CYP2J2: variants seen among roughly 807,000 people sequenced by gnomAD.
The protein encoded by CYP2J2 is cytochrome P450 2J2.
CYP2J2 carries 41 observed loss-of-function variants against 48.8 expected under a neutral mutation model. The observed-to-expected ratio is 0.84, with a 90% confidence interval of 0.66 to 1.09. The LOEUF (loss-of-function observed/expected upper bound fraction) is 1.09, where lower values mean the gene tolerates loss of function less well. Ranked by LOEUF, CYP2J2 falls within the 50% of genes least tolerant of loss-of-function variation. The pLI, the probability that CYP2J2 is intolerant of heterozygous loss-of-function variation, is 0.00. For synonymous variants in CYP2J2, 221 were observed against 227.1 expected (o/e 0.97, Z 0.24); for missense variants, 644 against 617.3 (o/e 1.04, Z -0.46).
intron 1 of CYP2J2, among the ~76,000 whole-genome samples, chr1:59,916,361 T>C (rs1644465920): frequency 6.6e-6 from 1 of 152,216 alleles, no homozygotes; most frequent in African/African-American, 2.4e-5. Context: ...TATCTATTTA[T>C]GTATTCAACC....
At chr1:59,929,692 A>G (rs1557433677), upstream of CYP2J2, among the ~76,000 whole-genome samples, 4 of 152,332 alleles carry the variant, frequency 2.6e-5, no homozygotes, top group South Asian at 8.3e-4. Flanking sequence ...GTGAACTGTA[A>G]GATAGCTTGA....
the CYP2J2 span, among the ~76,000 whole-genome samples, chr1:59,957,405 A>G: frequency 6.6e-6 from 1 of 152,172 alleles, no homozygotes; most frequent in Non-Finnish European, 1.5e-5. Context: ...CCTTTGAGCC[A>G]GGCAGTTACC....
the CYP2J2 span, among the ~76,000 whole-genome samples, chr1:59,954,588 C>CGGT: frequency 2.1e-5 from 3 of 144,922 alleles, no homozygotes; most frequent in African/African-American, 5.4e-5. Context: ...CTTGGTGGGT[C>CGGT]GGGGGGGGAT....
chr1:59,963,586 A>G, the CYP2J2 span, among the ~76,000 whole-genome samples: 1 of 152,180 alleles, frequency 6.6e-6, no homozygotes, highest in Non-Finnish European at 1.5e-5. Flanking sequence ...CCATTTATCT[A>G]TTGATGGACA....
chr1:59,924,717 G>A (rs1451107648), intron 1 of CYP2J2, among the ~76,000 whole-genome samples: 2 of 151,778 alleles, frequency 1.3e-5, no homozygotes, highest in African/African-American at 4.8e-5. Context: ...ATATGTTCAA[G>A]TAATTCACAG....
At chr1:59,947,808 A>C in the CYP2J2 span, among the ~76,000 whole-genome samples, 162 of 151,838 alleles carry the variant, frequency 1.1e-3, 1 homozygote, top group African/African-American at 3.8e-3. Flanking sequence ...AGGGAGGCAC[A>C]CTCATTGCTC....
At chr1:59,959,572 A>G in the CYP2J2 span, among the ~76,000 whole-genome samples, 10 of 152,260 alleles carry the variant, frequency 6.6e-5, no homozygotes, top group African/African-American at 2.2e-4. Flanking sequence ...ATGTATGTGT[A>G]TATATGTATG....
At chr1:59,952,317 T>C in the CYP2J2 span, among the ~76,000 whole-genome samples, 1 of 151,974 alleles carries the variant, frequency 6.6e-6, no homozygotes, top group African/African-American at 2.4e-5. Flanking sequence ...CTTTTTTTTT[T>C]TTTTTCTAAA....
At chr1:59,939,975 G>A in the CYP2J2 span, among the ~76,000 whole-genome samples, 32 of 152,252 alleles carry the variant, frequency 2.1e-4, no homozygotes, top group Non-Finnish European at 2.8e-4. Flanking sequence ...TTTTAGGGCA[G>A]TGGGTTCCCT....
At chr1:59,962,100 T>C in the CYP2J2 span, among the ~76,000 whole-genome samples, 1 of 152,252 alleles carries the variant, frequency 6.6e-6, no homozygotes, top group East Asian at 1.9e-4. Context: ...ATATTTTAAA[T>C]GGGTAAATTT....
chr1:59,956,917 C>T, the CYP2J2 span, among the ~76,000 whole-genome samples: 41 of 152,148 alleles, frequency 2.7e-4, no homozygotes, highest in African/African-American at 9.4e-4. Context: ...CATAAGCCAC[C>T]ATGTAAGAGG....
At position 59,916,068 on chromosome 1, in the gene CYP2J2, C is replaced by A; in HGVS notation, c.243G>T (p.Leu81Phe). ...GAACTGCAGATATGTCACCAAGCTCCAAGCTAAAAAGGTTCCCATATTTCT... is the reference window on the plus strand; with the variant it reads ...GAACTGCAGATATGTCACCAAGCTCAAAGCTAAAAAGGTTCCCATATTTCT... Reference protein sequence around the residue: ...FVKKYGNLFSLELGDISAVLI... With the variant: ...FVKKYGNLFSFELGDISAVLI... Residue 81 changes from leucine (L) to phenylalanine (F), a missense_variant, in exon 2 of 9, where the codon TTG (leucine) becomes TTT (phenylalanine). Physicochemically the swap from Leu to Phe is conservative, Grantham distance 22. Transcript: ENST00000371204. The A allele has an allele frequency of 6.2e-7, 1 of 1,612,234 alleles. No individual in the cohort carries two copies. Among genetic ancestry groups the A allele is most frequent in the Admixed American group, 1.7e-5 (1 of 59,666 alleles).
At position 59,908,000 on chromosome 1, in the gene CYP2J2, C is replaced by A. The variant is rs868800647; in HGVS notation, c.862-73G>T. Reference sequence around the variant, plus strand: ...TCCTGATTGCCGTAACACAAAGGGGCTTCATCCTAGGAGGACATTTGGAAG... The same window carrying A: ...TCCTGATTGCCGTAACACAAAGGGGATTCATCCTAGGAGGACATTTGGAAG... On this transcript the variant is annotated intron_variant, in intron 5 of 8. Transcript: ENST00000371204. 51 of 1,461,244 alleles carry A rather than the reference C, an allele frequency of 3.5e-5. No individual in the cohort carries two copies. In the Middle Eastern group the frequency reaches 5.3e-4, roughly 15 times the overall value. The allele number at this position is 1,461,244 out of a possible 1,614,324, so 90.5% of individuals were successfully genotyped here. A position where few individuals can be genotyped will look rare whatever the true frequency, so the allele number is the denominator to read the frequency against.
chr1:59,895,443 A>G (rs1644260446), intron 8 of CYP2J2, among the ~76,000 whole-genome samples: 1 of 152,194 alleles, frequency 6.6e-6, no homozygotes, highest in Non-Finnish European at 1.5e-5. Context: ...TTATACTATC[A>G]AGTGCTATAC....
chr1:59,924,058 G>C (rs545486578), intron 1 of CYP2J2, among the ~76,000 whole-genome samples: 229 of 152,144 alleles, frequency 1.5e-3, no homozygotes, highest in Non-Finnish European at 2.5e-3. Flanking sequence ...AAGGAAGGCA[G>C]TGAGAAAAAG....
chr1:59,940,216 C>A, the CYP2J2 span, among the ~76,000 whole-genome samples: 11 of 152,290 alleles, frequency 7.2e-5, no homozygotes, highest in African/African-American at 2.6e-4. Context: ...CAGAGTCTCA[C>A]CCAAGGCCCA....
chr1:59,937,113 A>G, the CYP2J2 span, among the ~76,000 whole-genome samples: 2 of 152,166 alleles, frequency 1.3e-5, no homozygotes, highest in African/African-American at 4.8e-5. Flanking sequence ...TGTTCCACGA[A>G]CCCTCCAGGG....
At chr1:59,966,368 ATATT>A in the CYP2J2 span, among the ~76,000 whole-genome samples, 2 of 152,156 alleles carry the variant, frequency 1.3e-5, no homozygotes, top group East Asian at 3.9e-4. Flanking sequence ...GTACCATAAA[ATATT>A]TAAAGTTTTT....
At chr1:59,952,117 G>A in the CYP2J2 span, among the ~76,000 whole-genome samples, 2 of 152,124 alleles carry the variant, frequency 1.3e-5, no homozygotes, top group Non-Finnish European at 2.9e-5. Context: ...CAGATAGAGT[G>A]AATGACAGAA....
Sources: allele counts gnomAD v4.1 joint callset (sites outside exome capture counted in the v4.1 genomes callset), GRCh38; gene constraint gnomAD v4.1.1; transcripts MANE v1.5; gene names NCBI Gene and HGNC (gene_info 2026-07-23, HGNC 2026-07-21).